The following CLCN3 variants were observed in gnomAD, a reference collection of about 807,000 sequenced individuals.
CLCN3 encodes the protein Cl-/H+ antiporter 3.
In CLCN3, 16 loss-of-function variants were observed where a neutral mutation model predicts 83.4. That is an observed-to-expected ratio of 0.19 (90% CI 0.13 to 0.29). The LOEUF (loss-of-function observed/expected upper bound fraction) is 0.29, where lower values mean the gene tolerates loss of function less well. Among genes scored for constraint, CLCN3 ranks in the 10% least tolerant of loss-of-function variants. CLCN3 has a pLI of 1.00. For synonymous variants in CLCN3, 322 were observed against 346.2 expected (o/e 0.93, Z 0.78); for missense variants, 544 against 1,006.0 (o/e 0.54, Z 6.21).
intron 4 of CLCN3, among the ~76,000 whole-genome samples, chr4:169,688,580 T>A (rs1361565526): frequency 1.3e-5 from 2 of 152,216 alleles, no homozygotes; most frequent in Admixed American, 1.3e-4. Context: ...ATTTTTTATA[T>A]TCTCACAATA....
At chr4:169,638,731 G>C (rs1730312595) in intron 2 of CLCN3, among the ~76,000 whole-genome samples, 1 of 152,152 alleles carries the variant, frequency 6.6e-6, no homozygotes, top group East Asian at 1.9e-4. Flanking sequence ...CAACAGGAGA[G>C]AGTGCCAAGC....
At chr4:169,662,017 C>A (rs900443277) in intron 2 of CLCN3, among the ~76,000 whole-genome samples, 2 of 152,070 alleles carry the variant, frequency 1.3e-5, no homozygotes, top group Non-Finnish European at 2.9e-5. Flanking sequence ...ATCAGAATAC[C>A]TGGGCTTCAG....
At chr4:169,683,951 C>T (rs906446569) in intron 3 of CLCN3, among the ~76,000 whole-genome samples, 1 of 152,126 alleles carries the variant, frequency 6.6e-6, no homozygotes, top group Non-Finnish European at 1.5e-5. Context: ...CCATGTTGGC[C>T]AGGCTGGTCT....
At chr4:169,690,823 T>G (rs1417159021) in intron 6 of CLCN3, among the ~76,000 whole-genome samples, 171 bp downstream of exon 6, 19 of 152,158 alleles carry the variant, frequency 1.2e-4, no homozygotes. Context: ...AAAATATTGT[T>G]CCCCATAGTC....
intron 1 of CLCN3, among the ~76,000 whole-genome samples, chr4:169,622,244 A>AT (rs576825969): frequency 2.3e-4 from 35 of 152,374 alleles, no homozygotes; most frequent in African/African-American, 8.2e-4. Context: ...TACATAGCTC[A>AT]TTAAGAATGT....
At chr4:169,700,975 C>T (rs1338518985) in intron 9 of CLCN3, among the ~76,000 whole-genome samples, 1 of 152,150 alleles carries the variant, frequency 6.6e-6, no homozygotes, top group Non-Finnish European at 1.5e-5. Context: ...CTGGCTGTAG[C>T]AATTCTTAAA....
rs72696644 is a variant in CLCN3 at position 169,708,248 on chromosome 4, G to T, written c.2149+982G>T. On this transcript the variant is annotated intron_variant, in intron 11 of 12. Transcript: ENST00000513761. ...TGGCACAAGACCAGACAGTGTATGT[G>T]GGGGAGTGTTTCTCAAATCAAACTG... Among the ~76,000 whole-genome samples, 637 of 152,242 alleles carry T rather than the reference G, an allele frequency of 4.2e-3. 7 individuals carry two copies. Among genetic ancestry groups the T allele is most frequent in the South Asian group, 0.035 (169 of 4,810 alleles).
intron 12 of CLCN3, 83 bp downstream of exon 12, chr4:169,713,378 C>A: frequency 9.4e-7 from 1 of 1,063,956 alleles, no homozygotes; most frequent in Non-Finnish European, 1.4e-6. Context: ...ATTAGGGGAG[C>A]ATGTGAGTCA....
intron 2 of CLCN3, among the ~76,000 whole-genome samples, chr4:169,654,205 C>CTCCTTTCCTTTCTCCTAT (rs1730816877): frequency 6.6e-6 from 1 of 151,922 alleles, no homozygotes; most frequent in African/African-American, 2.4e-5. Flanking sequence ...TCTTCTCCGT[C>CTCCTTTCCTTTCTCCTAT]TCCTTTCCTT....
intron 12 of CLCN3, among the ~76,000 whole-genome samples, chr4:169,716,217 G>A (rs1229701569): frequency 6.6e-6 from 1 of 151,986 alleles, no homozygotes; most frequent in African/African-American, 2.4e-5. Context: ...TGCTCAAATC[G>A]CTCTTCTCCA....
chr4:169,679,944 G>T, intron 2 of CLCN3, 106 bp from the exon 3 acceptor site: 1 of 882,358 alleles, frequency 1.1e-6, no homozygotes, highest in East Asian at 2.5e-5. Flanking sequence ...GAGGGAGAGG[G>T]AGAGGGATTA....
chr4:169,663,193 A>G (rs1295582590), intron 2 of CLCN3: 1 of 147,980 alleles, frequency 6.8e-6, no homozygotes, highest in Admixed American at 6.6e-5. Context: ...ATATATATAT[A>G]CATATACACA....
intron 2 of CLCN3, among the ~76,000 whole-genome samples, chr4:169,669,037 T>C (rs1228513274): frequency 6.6e-6 from 1 of 152,066 alleles, no homozygotes; most frequent in South Asian, 2.1e-4. Flanking sequence ...CTTAAAATAA[T>C]TGGGTTCTGT....
intron 1 of CLCN3, among the ~76,000 whole-genome samples, chr4:169,628,349 C>A (rs1460027239): frequency 3.3e-5 from 5 of 151,780 alleles, no homozygotes; most frequent in African/African-American, 1.2e-4. Context: ...TGTTATAGAC[C>A]CTGTTAAAAA....
At chr4:169,631,720 C>G (rs1773375859) in intron 1 of CLCN3, among the ~76,000 whole-genome samples, 1 of 152,170 alleles carries the variant, frequency 6.6e-6, no homozygotes, top group African/African-American at 2.4e-5. Flanking sequence ...AATCACCACA[C>G]AATCAGAAAC....
At chr4:169,706,816 G>T in intron 10 of CLCN3, 52 bp from the exon 11 acceptor site, 7 of 1,488,132 alleles carry the variant, frequency 4.7e-6, no homozygotes, top group Non-Finnish European at 6.4e-6. Flanking sequence ...CTAATAAAAT[G>T]TAATGATGAG....
rs1325127682 is a variant in CLCN3 at position 169,721,470 on chromosome 4, G to A, written c.*1473G>A. 6.6e-6 allele frequency: 1 copy of A among 151,900 alleles called. No homozygotes were observed. The highest frequency in any genetic ancestry group is 1.5e-5 in the Non-Finnish European group (1 of 67,982). 9.4% of individuals were successfully genotyped at this position (151,900 alleles called of 1,614,324 possible). On this transcript the variant is annotated 3_prime_UTR_variant, in exon 13 of 13. Coordinates refer to ENST00000513761, the MANE Select transcript of CLCN3 (RefSeq NM_001829.4). ...GGAAAGTTGAAAAACTACATTAACT[G>A]GAAAGTTGAAAAACTACATTACTTT... is the stretch of plus-strand genomic sequence containing the variant.
At chr4:169,636,826 G>A (rs1158244278) in intron 2 of CLCN3, among the ~76,000 whole-genome samples, 1 of 149,102 alleles carries the variant, frequency 6.7e-6, no homozygotes, top group African/African-American at 2.5e-5. Flanking sequence ...TATGTACACA[G>A]TTCTGTATGA....
At chr4:169,644,455 T>G (rs1383230220) in intron 2 of CLCN3, among the ~76,000 whole-genome samples, 1 of 152,032 alleles carries the variant, frequency 6.6e-6, no homozygotes, top group African/African-American at 2.4e-5. Flanking sequence ...ATGGCCAGGC[T>G]AGTCTTGAAC....
Sources: allele counts gnomAD v4.1 joint callset (sites outside exome capture counted in the v4.1 genomes callset), GRCh38; gene constraint gnomAD v4.1.1; transcripts MANE v1.5; gene names NCBI Gene and HGNC (gene_info 2026-07-23, HGNC 2026-07-21).